CLDN14: variants seen among roughly 807,000 people sequenced by gnomAD.
The protein encoded by CLDN14 is claudin 14, also known as claudin-14.
In CLDN14, 2 loss-of-function variants were observed where a neutral mutation model predicts 2.1. The ratio of observed to expected loss-of-function variants is 0.96; its 90% CI spans 0.39 to 3.01. The LOEUF is 3.01. CLDN14 is among the 30% of genes most tolerant of loss of function. CLDN14 has a pLI of 0.09. For missense variants in CLDN14, 298 were observed against 328.0 expected (o/e 0.91, Z 0.71); for synonymous variants, 136 against 154.4 (o/e 0.88, Z 0.88).
chr21:36,532,826 C>T (rs2087391831), intron 1 of CLDN14, among the ~76,000 whole-genome samples: 1 of 152,086 alleles, frequency 6.6e-6, no homozygotes. Flanking sequence ...AAAATGCATT[C>T]CCCCTGACCC....
At chr21:36,495,873 A>G (rs978863848) in intron 2 of CLDN14, among the ~76,000 whole-genome samples, 3 of 152,164 alleles carry the variant, frequency 2.0e-5, no homozygotes, top group African/African-American at 7.2e-5. Context: ...GAGGAGACAC[A>G]GGGGGAAGAG....
chr21:36,561,083 CAA>C (rs906860479), intron 1 of CLDN14, among the ~76,000 whole-genome samples: 5 of 152,214 alleles, frequency 3.3e-5, no homozygotes, highest in Admixed American at 6.5e-5. Context: ...CACCTACCCT[CAA>C]TTTTTGTACC....
At chr21:36,520,936 C>T (rs546791368) in intron 1 of CLDN14, among the ~76,000 whole-genome samples, 19 of 152,070 alleles carry the variant, frequency 1.2e-4, no homozygotes, top group Non-Finnish European at 1.2e-4. Flanking sequence ...GAATGACCCC[C>T]GTGGGGACCT....
At chr21:36,564,058 G>A (rs764325543) in intron 1 of CLDN14, among the ~76,000 whole-genome samples, 14 of 152,180 alleles carry the variant, frequency 9.2e-5, no homozygotes, top group South Asian at 4.1e-4. Flanking sequence ...CTGCACCCTC[G>A]TTCTGTGGAG....
intron 2 of CLDN14, among the ~76,000 whole-genome samples, chr21:36,488,332 C>T (rs532228451): frequency 3.4e-4 from 50 of 149,172 alleles, no homozygotes; most frequent in Admixed American, 3.4e-4. Flanking sequence ...AGTGCAGTGG[C>T]GGGATCTCAG....
intron 1 of CLDN14, among the ~76,000 whole-genome samples, chr21:36,465,899 G>C (rs1234101763): frequency 6.6e-6 from 1 of 152,242 alleles, no homozygotes; most frequent in East Asian, 1.9e-4. Flanking sequence ...TAGAGGATCA[G>C]TACTGGGTCC....
intron 1 of CLDN14, among the ~76,000 whole-genome samples, chr21:36,525,278 C>T (rs1685785781): frequency 6.6e-6 from 1 of 151,892 alleles, no homozygotes; most frequent in Admixed American, 6.6e-5. Context: ...ATGACATGCA[C>T]TAGGGGACTC....
intron 1 of CLDN14, among the ~76,000 whole-genome samples, chr21:36,534,839 A>G (rs2087411640): frequency 6.6e-6 from 1 of 152,150 alleles, no homozygotes; most frequent in African/African-American, 2.4e-5. Flanking sequence ...TTATATTTAA[A>G]TATTGAGTGG....
chr21:36,463,101 C>T (rs1363765837), intron 1 of CLDN14, among the ~76,000 whole-genome samples: 1 of 152,124 alleles, frequency 6.6e-6, no homozygotes, highest in Non-Finnish European at 1.5e-5. Flanking sequence ...CTTGAGTGGA[C>T]CACTAGCTTT....
chr21:36,531,056 C>A (rs1292746661), intron 1 of CLDN14, among the ~76,000 whole-genome samples: 1 of 151,848 alleles, frequency 6.6e-6, no homozygotes, highest in Non-Finnish European at 1.5e-5. Context: ...CATGGTGAAA[C>A]CCTGTCTCTA....
chr21:36,476,546 AG>A (rs1289917187), intron 1 of CLDN14, among the ~76,000 whole-genome samples: 1 of 150,942 alleles, frequency 6.6e-6, no homozygotes, highest in Non-Finnish European at 1.5e-5. Flanking sequence ...TCCGCCTCCC[AG>A]GTTCAAGTGA....
At chr21:36,508,667 G>T (rs2087156202) in intron 2 of CLDN14, among the ~76,000 whole-genome samples, 1 of 152,226 alleles carries the variant, frequency 6.6e-6, no homozygotes, top group Non-Finnish European at 1.5e-5. Context: ...AAGGACACCG[G>T]AGCACTGAGG....
At chr21:36,536,686 C>T (rs560367066) in intron 1 of CLDN14, among the ~76,000 whole-genome samples, 20 of 152,226 alleles carry the variant, frequency 1.3e-4, no homozygotes, top group African/African-American at 4.3e-4. Flanking sequence ...CCTCTATTCC[C>T]CTCCTTCCTC....
chr21:36,495,725 C>A (rs898505622), intron 2 of CLDN14, among the ~76,000 whole-genome samples: 2 of 152,176 alleles, frequency 1.3e-5, no homozygotes, highest in South Asian at 4.1e-4. Context: ...GTTCTTACCC[C>A]ACGAAGTTCT....
intron 2 of CLDN14, among the ~76,000 whole-genome samples, chr21:36,504,888 A>C (rs1427692784): frequency 6.6e-6 from 1 of 152,166 alleles, no homozygotes; most frequent in Non-Finnish European, 1.5e-5. Context: ...AGATAGGAAA[A>C]GCTGGGTGGA....
At chr21:36,481,922 C>T (rs1298352502), upstream of CLDN14, among the ~76,000 whole-genome samples, 3 of 152,184 alleles carry the variant, frequency 2.0e-5, no homozygotes, top group Non-Finnish European at 2.9e-5. Flanking sequence ...CCTCCTGCCT[C>T]TCAGGGTCAG....
rs975630083 is a variant in CLDN14 at position 36,499,883 on chromosome 21, G to C, written c.-82+10480C>G. Among the ~76,000 whole-genome samples the C allele has an allele frequency of 6.6e-6, 1 of 151,986 alleles. No homozygotes were observed. The highest frequency in any genetic ancestry group is 1.5e-5 in the Non-Finnish European group (1 of 68,018). ...ACATTTTCACAACATCAGGGGGCTG[G>C]TGGAGAAAATCGGGGGGTCTCCGGA... On this transcript the variant is annotated intron_variant, in intron 2 of 2. Coordinates refer to the CLDN14 transcript ENST00000342108. This position sits in a 1 kb window ranked among gnomAD's most constrained non-coding sequence, Gnocchi z 4.7.
intron 1 of CLDN14, among the ~76,000 whole-genome samples, 171 bp downstream of exon 1, chr21:36,479,324 C>G (rs961930660): frequency 3.3e-5 from 5 of 152,128 alleles, no homozygotes; most frequent in African/African-American, 1.2e-4. Context: ...GCCACCCAGA[C>G]CAGCCTGCAG....
At chr21:36,538,843 C>T (rs1390905821) in intron 1 of CLDN14, among the ~76,000 whole-genome samples, 1 of 152,120 alleles carries the variant, frequency 6.6e-6, no homozygotes, top group Admixed American at 6.5e-5. Flanking sequence ...TCAGAGATCA[C>T]CCCAACTCAG....
Sources: gnomAD v4.1 joint callset for allele counts (sites outside exome capture counted in the v4.1 genomes callset) on GRCh38, gnomAD v4.1.1 for gene constraint, Gnocchi (gnomAD v3.1) non-coding constraint, MANE v1.5 for transcripts, NCBI Gene and HGNC (gene_info 2026-07-23, HGNC 2026-07-21) for gene names.